Variants in FAF1 observed in about 807,000 individuals in gnomAD.
FAF1 encodes FAS-associated factor 1.
A neutral mutation model predicts 92.5 loss-of-function variants in FAF1; 25 were observed. The observed-to-expected ratio is 0.27, with a 90% CI of 0.20 to 0.38. The LOEUF is 0.38. Ranked by LOEUF, FAF1 falls within the 10% of genes least tolerant of loss-of-function variation. The pLI, the probability that FAF1 is intolerant of heterozygous loss-of-function variation, is 1.00. For synonymous variants in FAF1, 234 were observed against 273.2 expected, an observed-to-expected ratio of 0.86 and a Z score of 1.42; for missense variants, 636 against 793.3, an observed-to-expected ratio of 0.80 and a Z score of 2.38.
intron 18 of FAF1, among the ~76,000 whole-genome samples, chr1:50,449,730 T>G (rs1328385949): frequency 6.6e-6 from 1 of 151,596 alleles, no homozygotes; most frequent in Non-Finnish European, 1.5e-5. Context: ...CCTCCTGATC[T>G]GCCCGCCTCG....
intron 3 of FAF1, among the ~76,000 whole-genome samples, chr1:50,796,231 C>CT (rs373564121): frequency 6.6e-6 from 1 of 151,974 alleles, no homozygotes; most frequent in Non-Finnish European, 1.5e-5. Flanking sequence ...ACACACACCC[C>CT]TATCTTCTTG....
At chr1:50,506,564 T>C (rs1035898056) in intron 15 of FAF1, among the ~76,000 whole-genome samples, 3 of 152,216 alleles carry the variant, frequency 2.0e-5, no homozygotes, top group Non-Finnish European at 2.9e-5. Flanking sequence ...TTCTGTACTA[T>C]ATTCACACTG....
chr1:50,748,500 A>T (rs1659720268), intron 4 of FAF1, among the ~76,000 whole-genome samples: 1 of 151,998 alleles, frequency 6.6e-6, no homozygotes, highest in African/African-American at 2.4e-5. Context: ...TCAAAAAAAA[A>T]AAAAAAGAAA....
At chr1:50,887,559 G>C (rs544955965) in intron 1 of FAF1, among the ~76,000 whole-genome samples, 1 of 152,288 alleles carries the variant, frequency 6.6e-6, no homozygotes, top group East Asian at 1.9e-4. Context: ...TTTGTAGAAG[G>C]TGTAAGGAAG....
At chr1:50,597,456 G>T (rs1393154213) in intron 8 of FAF1, among the ~76,000 whole-genome samples, 2 of 151,532 alleles carry the variant, frequency 1.3e-5, no homozygotes, top group Non-Finnish European at 2.9e-5. Context: ...ATAAAAAAAT[G>T]CCCATAGAAT....
At chr1:50,910,340 T>C (rs1178639098) in intron 1 of FAF1, among the ~76,000 whole-genome samples, 1 of 152,216 alleles carries the variant, frequency 6.6e-6, no homozygotes, top group African/African-American at 2.4e-5. Flanking sequence ...AGGGACCCAC[T>C]TGAGGAGGCA....
intron 8 of FAF1, 35 bp from the exon 9 acceptor site, chr1:50,596,251 A>T (rs898203654): frequency 2.1e-6 from 3 of 1,442,834 alleles, no homozygotes; most frequent in Non-Finnish European, 2.9e-6. Context: ...TGTAAACAAA[A>T]TACGGCCATG....
At chr1:50,894,557 G>T (rs992092265) in intron 1 of FAF1, among the ~76,000 whole-genome samples, 2 of 151,760 alleles carry the variant, frequency 1.3e-5, no homozygotes, top group Non-Finnish European at 2.9e-5. Context: ...AACAGCTGCA[G>T]AGTACACATT....
chr1:50,549,046 G>A (rs1455608745), intron 13 of FAF1, among the ~76,000 whole-genome samples: 1 of 152,114 alleles, frequency 6.6e-6, no homozygotes, highest in East Asian at 1.9e-4. Flanking sequence ...TTAAAGGTAT[G>A]GTGAAATGTT....
intron 18 of FAF1, among the ~76,000 whole-genome samples, chr1:50,444,999 C>T (rs1646211733): frequency 6.6e-6 from 1 of 152,150 alleles, no homozygotes; most frequent in African/African-American, 2.4e-5. Context: ...ACTATAGAAG[C>T]TAATGTTTAT....
At chr1:50,738,217 G>A (rs1659217465) in intron 6 of FAF1, among the ~76,000 whole-genome samples, 1 of 152,018 alleles carries the variant, frequency 6.6e-6, no homozygotes, top group Non-Finnish European at 1.5e-5. Context: ...GCCGAGGTGG[G>A]CAGATCACCT....
At chr1:50,632,760 C>T (rs555903557) in intron 8 of FAF1, among the ~76,000 whole-genome samples, 1 of 152,238 alleles carries the variant, frequency 6.6e-6, no homozygotes, top group East Asian at 1.9e-4. Flanking sequence ...GTGTCCCACA[C>T]TTATGCATTG....
chr1:50,566,507 A>T (rs890948266), intron 13 of FAF1, among the ~76,000 whole-genome samples: 2 of 152,126 alleles, frequency 1.3e-5, no homozygotes, highest in African/African-American at 4.8e-5. Flanking sequence ...AGATACTATG[A>T]TTAACAAACT....
intron 15 of FAF1, among the ~76,000 whole-genome samples, chr1:50,510,784 C>T (rs1241291132): frequency 2.0e-5 from 3 of 152,022 alleles, no homozygotes; most frequent in Admixed American, 6.5e-5. Flanking sequence ...TAAGGACATA[C>T]ATAAATGAGT....
chr1:50,575,939 C>T (rs1650711483), intron 12 of FAF1, among the ~76,000 whole-genome samples: 1 of 152,150 alleles, frequency 6.6e-6, no homozygotes, highest in Non-Finnish European at 1.5e-5. Context: ...AATAGCATGA[C>T]TTTAAAATGG....
At chr1:50,811,298 T>C (rs1026295838) in intron 2 of FAF1, among the ~76,000 whole-genome samples, 1 of 152,064 alleles carries the variant, frequency 6.6e-6, no homozygotes, top group Non-Finnish European at 1.5e-5. Flanking sequence ...AAGATCGAAT[T>C]ACTGCACTCC....
chr1:50,478,892 T>C (rs1646668619), intron 17 of FAF1, among the ~76,000 whole-genome samples: 1 of 152,182 alleles, frequency 6.6e-6, no homozygotes, highest in Non-Finnish European at 1.5e-5. Flanking sequence ...ATAACATACA[T>C]ATGAAAAAGT....
intron 2 of FAF1, among the ~76,000 whole-genome samples, chr1:50,839,343 T>G (rs1335732840): frequency 6.6e-6 from 1 of 152,138 alleles, no homozygotes. Context: ...ATACTCCCGC[T>G]AAAAATTCAC....
intron 7 of FAF1, among the ~76,000 whole-genome samples, chr1:50,669,335 GA>G (rs1011774909): frequency 3.8e-4 from 58 of 152,180 alleles, no homozygotes; most frequent in Non-Finnish European, 7.2e-4. Context: ...ATAAAGGGGG[GA>G]AAATCACCAT....
Sources: allele counts gnomAD v4.1 joint callset (sites outside exome capture counted in the v4.1 genomes callset), GRCh38; gene constraint gnomAD v4.1.1; transcripts MANE v1.5; gene names NCBI Gene and HGNC (gene_info 2026-07-23, HGNC 2026-07-21).